Variants in OXR1 observed in about 807,000 individuals in gnomAD.
The protein encoded by OXR1 is oxidation resistance protein 1.
Under a neutral mutation model 104.6 loss-of-function variants are expected in OXR1, and 41 were observed. That is an observed-to-expected ratio of 0.39 (90% CI 0.31 to 0.51). OXR1 has a LOEUF of 0.51. OXR1 is among the 20% of genes least tolerant of loss of function. OXR1 has a pLI of 0.77. For synonymous variants in OXR1, 348 were observed against 348.4 expected, an observed-to-expected ratio of 1.00 and a Z score of 0.01; for missense variants, 955 against 1,031.9, an observed-to-expected ratio of 0.93 and a Z score of 1.02.
chr8:106,629,715 C>A (rs1309810817), intron 3 of OXR1, among the ~76,000 whole-genome samples: 1 of 152,092 alleles, frequency 6.6e-6, no homozygotes, highest in South Asian at 2.1e-4. Flanking sequence ...ACCACAAAGG[C>A]ATTTCATAAA....
chr8:106,581,497 G>T (rs1023981692), intron 3 of OXR1, among the ~76,000 whole-genome samples: 68 of 147,614 alleles, frequency 4.6e-4, no homozygotes, highest in African/African-American at 1.6e-3. Flanking sequence ...TTGATTCTGT[G>T]TTTTTTTTTT....
chr8:106,501,124 C>A (rs1446317869), intron 2 of OXR1, among the ~76,000 whole-genome samples: 1 of 152,152 alleles, frequency 6.6e-6, no homozygotes, highest in Admixed American at 6.5e-5. Context: ...CAAACTCATA[C>A]AACTGCTTCT....
At chr8:106,376,441 C>G (rs1036733570) in intron 2 of OXR1, among the ~76,000 whole-genome samples, 8 of 152,116 alleles carry the variant, frequency 5.3e-5, no homozygotes, top group African/African-American at 2.4e-5. Context: ...GACAGGGTTA[C>G]AAAGCCTGAG....
chr8:106,649,260 T>G (rs1378836969), intron 3 of OXR1, among the ~76,000 whole-genome samples: 2 of 151,976 alleles, frequency 1.3e-5, no homozygotes, highest in Non-Finnish European at 2.9e-5. Context: ...TGTTCCCATT[T>G]GTGTGGGTTT....
intron 3 of OXR1, among the ~76,000 whole-genome samples, chr8:106,554,440 G>A (rs1182704747): frequency 6.6e-6 from 1 of 152,106 alleles, no homozygotes; most frequent in African/African-American, 2.4e-5. Context: ...TCCTGGATTG[G>A]ACCCTGAACT....
At chr8:106,569,970 A>G (rs1817356852) in intron 3 of OXR1, among the ~76,000 whole-genome samples, 1 of 152,170 alleles carries the variant, frequency 6.6e-6, no homozygotes, top group Non-Finnish European at 1.5e-5. Flanking sequence ...AATAACCAGA[A>G]CATACAGCAT....
chr8:106,734,936 T>C (rs1390637335), intron 11 of OXR1, among the ~76,000 whole-genome samples: 1 of 152,156 alleles, frequency 6.6e-6, no homozygotes, highest in African/African-American at 2.4e-5. Flanking sequence ...TTGGAAGGTC[T>C]TGGTTTTCTC....
chr8:106,589,953 C>G (rs773397906), intron 3 of OXR1, among the ~76,000 whole-genome samples: 1 of 152,202 alleles, frequency 6.6e-6, no homozygotes, highest in Non-Finnish European at 1.5e-5. Context: ...AGGTATGAAC[C>G]ACCATGCCCG....
At chr8:106,552,376 G>A (rs993173384) in intron 3 of OXR1, among the ~76,000 whole-genome samples, 1 of 152,022 alleles carries the variant, frequency 6.6e-6, no homozygotes, top group East Asian at 1.9e-4. Context: ...AATAAATTTT[G>A]TTCTTGCCCC....
In OXR1 at chr8:106,733,847, G is replaced by GA. The variant is rs1292872688; in HGVS notation, c.1957-3663dup. On this transcript the variant is annotated intron_variant, in intron 11 of 16. Transcript: ENST00000517566. ...TCTCAAAAAAAAAAAAAAAAGAAAA[G>GA]AAAAAAAAAAGGATATGGGGATATG... 9.3e-4 allele frequency among the ~76,000 whole-genome samples: 130 copies of GA among 139,882 alleles called. 2 individuals carry two copies. In the East Asian group the frequency reaches 0.018, roughly 19 times the overall value. The allele number at this position is 139,882 out of a possible 152,430, so 91.8% of individuals were successfully genotyped here.
chr8:106,414,829 G>C (rs1818605599), intron 2 of OXR1, among the ~76,000 whole-genome samples: 1 of 152,132 alleles, frequency 6.6e-6, no homozygotes, highest in Admixed American at 6.6e-5. Context: ...CCAAGATAAG[G>C]AGTATGGACT....
intron 11 of OXR1, among the ~76,000 whole-genome samples, 171 bp from the exon 12 acceptor site, chr8:106,737,349 A>G (rs1423889441): frequency 6.6e-6 from 1 of 150,574 alleles, no homozygotes; most frequent in Non-Finnish European, 1.5e-5. Context: ...TGGATATTTC[A>G]CTCTAGTTTG....
chr8:106,690,439 T>A (rs1829164577), intron 6 of OXR1, among the ~76,000 whole-genome samples: 2 of 151,232 alleles, frequency 1.3e-5, no homozygotes, highest in Non-Finnish European at 3.0e-5. Flanking sequence ...AGAACAAAAT[T>A]TTATGGTTAG....
intron 3 of OXR1, chr8:106,658,178 G>A: frequency 2.4e-6 from 3 of 1,241,638 alleles, no homozygotes; most frequent in Non-Finnish European, 2.0e-6. Flanking sequence ...CCAGCCCGGA[G>A]GGACCTGGTG....
chr8:106,678,223 C>T (rs781268831), intron 3 of OXR1, among the ~76,000 whole-genome samples: 12 of 151,836 alleles, frequency 7.9e-5, no homozygotes, highest in Admixed American at 2.0e-4. Flanking sequence ...ACCATTCACC[C>T]GACAGCTGAG....
chr8:106,595,081 C>CA (rs1446095890), intron 3 of OXR1, among the ~76,000 whole-genome samples: 1 of 152,202 alleles, frequency 6.6e-6, no homozygotes, highest in African/African-American at 2.4e-5. Flanking sequence ...AACATATAGG[C>CA]AAAACCACAG....
At chr8:106,418,661 G>A (rs1004325011) in intron 2 of OXR1, among the ~76,000 whole-genome samples, 1 of 152,050 alleles carries the variant, frequency 6.6e-6, no homozygotes, top group Non-Finnish European at 1.5e-5. Flanking sequence ...ATTTACCGAA[G>A]AGGAATTCAT....
intron 16 of OXR1, among the ~76,000 whole-genome samples, chr8:106,747,444 C>G (rs950782294): frequency 6.6e-6 from 1 of 152,200 alleles, no homozygotes; most frequent in Non-Finnish European, 1.5e-5. Flanking sequence ...AGGAAGAATT[C>G]TGCCTGCAGT....
intron 3 of OXR1, among the ~76,000 whole-genome samples, chr8:106,573,470 C>T (rs545442183): frequency 2.0e-5 from 3 of 152,158 alleles, no homozygotes; most frequent in African/African-American, 7.2e-5. Context: ...ATGCTGTATT[C>T]AGTAATGATT....
Sources: gnomAD v4.1 joint callset for allele counts (sites outside exome capture counted in the v4.1 genomes callset) on GRCh38, gnomAD v4.1.1 for gene constraint, MANE v1.5 for transcripts, NCBI Gene and HGNC (gene_info 2026-07-23, HGNC 2026-07-21) for gene names.